Variants in ZNF423 observed in about 807,000 individuals in gnomAD.
ZNF423 encodes the protein zinc finger protein 423, also known as Ebf-associated zinc finger protein.
A neutral mutation model predicts 95.8 loss-of-function variants in ZNF423; 12 were observed. That is an observed-to-expected ratio of 0.13 (90% CI 0.08 to 0.20). ZNF423 has a LOEUF of 0.20. Ranked by LOEUF, ZNF423 falls within the 10% of genes least tolerant of loss-of-function variation. The pLI is 1.00. For missense variants in ZNF423, 1,316 were observed against 1,737.1 expected (o/e 0.76, Z 4.31); for synonymous variants, 749 against 711.9 (o/e 1.05, Z -0.83).
chr16:49,804,770 C>A (rs577241505), intron 1 of ZNF423, among the ~76,000 whole-genome samples: 16 of 152,248 alleles, frequency 1.1e-4, no homozygotes, highest in African/African-American at 3.1e-4. Context: ...GGTAACACAC[C>A]AACCCTGTGC....
intron 1 of ZNF423, among the ~76,000 whole-genome samples, chr16:49,826,159 C>T (rs1038818844): frequency 3.9e-5 from 6 of 152,144 alleles, no homozygotes; most frequent in East Asian, 1.9e-4. Flanking sequence ...CTTCAGTGAG[C>T]GGAGATTGTA....
chr16:49,737,276 T>C (rs2143454767), intron 2 of ZNF423, among the ~76,000 whole-genome samples: 1 of 149,864 alleles, frequency 6.7e-6, no homozygotes, highest in East Asian at 2.0e-4. Context: ...CCTGACTCTT[T>C]TTTTTTTTTC....
chr16:49,581,930 C>T (rs773922011), intron 5 of ZNF423, among the ~76,000 whole-genome samples: 1 of 152,172 alleles, frequency 6.6e-6, no homozygotes, highest in Non-Finnish European at 1.5e-5. Context: ...TGCAACATTT[C>T]CCAAGCAATA....
intron 3 of ZNF423, among the ~76,000 whole-genome samples, chr16:49,717,961 A>C (rs985823687): frequency 6.6e-6 from 1 of 152,168 alleles, no homozygotes; most frequent in Non-Finnish European, 1.5e-5. Flanking sequence ...CCACAGAGGG[A>C]GGGGACCAAC....
intron 5 of ZNF423, among the ~76,000 whole-genome samples, chr16:49,606,071 A>G (rs1971527115): frequency 6.6e-6 from 1 of 152,228 alleles, no homozygotes; most frequent in Non-Finnish European, 1.5e-5. Flanking sequence ...AGCCAGCGCC[A>G]TTGTCATAGC....
At position 49,623,909 on chromosome 16, in the gene ZNF423, G is replaced by C. The variant is rs983667222; in HGVS notation, c.3601+2261C>G. 5.8e-4 allele frequency among the ~76,000 whole-genome samples: 88 copies of C among 152,202 alleles called. 2 individuals carry two copies. The highest frequency in any genetic ancestry group is 2.0e-4 in the Admixed American group (3 of 15,284). On this transcript the variant is annotated intron_variant, in intron 5 of 7. Transcript: ENST00000563137. Reference sequence around the variant, plus strand: ...GGACCAGGGGACCCATACCTGCCCTGAGAGCACCTTCACTAAAGAAGGGCC... The same window carrying C: ...GGACCAGGGGACCCATACCTGCCCTCAGAGCACCTTCACTAAAGAAGGGCC...
intron 1 of ZNF423, among the ~76,000 whole-genome samples, chr16:49,820,912 G>T (rs2144020982): frequency 6.6e-6 from 1 of 152,298 alleles, no homozygotes; most frequent in Non-Finnish European, 1.5e-5. Context: ...GGTTCCATAT[G>T]TCCACAAAAT....
chr16:49,789,146 A>C (rs1297896117), intron 2 of ZNF423, among the ~76,000 whole-genome samples: 1 of 152,112 alleles, frequency 6.6e-6, no homozygotes, highest in East Asian at 1.9e-4. Flanking sequence ...GTCCTATTAA[A>C]GTGGCTTTTA....
intron 5 of ZNF423, among the ~76,000 whole-genome samples, chr16:49,623,091 C>T (rs577747840): frequency 6.6e-6 from 1 of 152,226 alleles, no homozygotes; most frequent in Non-Finnish European, 1.5e-5. Flanking sequence ...GACTGCCCAG[C>T]CACCGGAGGT....
At chr16:49,705,075 T>C (rs1050793199) in intron 3 of ZNF423, among the ~76,000 whole-genome samples, 4 of 152,228 alleles carry the variant, frequency 2.6e-5, no homozygotes, top group Non-Finnish European at 4.4e-5. Flanking sequence ...CACGGTGGGC[T>C]GTCCTGTCTT....
intron 5 of ZNF423, among the ~76,000 whole-genome samples, chr16:49,563,657 C>T (rs960914998): frequency 9.2e-5 from 14 of 152,234 alleles, no homozygotes; most frequent in Non-Finnish European, 1.9e-4. Flanking sequence ...CCCAGAGCCA[C>T]GTCTTTGGCC....
At chr16:49,602,851 C>T (rs1971421334) in intron 5 of ZNF423, among the ~76,000 whole-genome samples, 1 of 152,172 alleles carries the variant, frequency 6.6e-6, no homozygotes, top group Non-Finnish European at 1.5e-5. Flanking sequence ...GGTGGCCCCG[C>T]GGCTGCCAAA....
intron 7 of ZNF423, among the ~76,000 whole-genome samples, chr16:49,511,324 AC>A (rs1274061143): frequency 9.9e-5 from 15 of 152,218 alleles, no homozygotes; most frequent in African/African-American, 3.6e-4. Context: ...CCACTTCGAG[AC>A]CCTGCACCCA....
intron 3 of ZNF423, among the ~76,000 whole-genome samples, chr16:49,689,267 C>T (rs1020514600): frequency 1.1e-5 from 1 of 87,026 alleles, no homozygotes; most frequent in Non-Finnish European, 2.3e-5. Context: ...CATGGCAAGA[C>T]CCCATCTCTA....
chr16:49,626,118 T>G (rs995644434), intron 5 of ZNF423, 52 bp downstream of exon 5: 1 of 1,589,442 alleles, frequency 6.3e-7, no homozygotes, highest in Non-Finnish European at 8.6e-7. Flanking sequence ...AACCGCAAAT[T>G]TAAAACCCCA....
At chr16:49,849,504 G>T (rs576725832) in intron 1 of ZNF423, among the ~76,000 whole-genome samples, 11 of 152,210 alleles carry the variant, frequency 7.2e-5, no homozygotes, top group African/African-American at 2.4e-4. Flanking sequence ...TATCTTGGCT[G>T]CTTTAGTCAC....
chr16:49,564,960 A>G (rs1262879249), intron 5 of ZNF423, among the ~76,000 whole-genome samples: 4 of 152,296 alleles, frequency 2.6e-5, no homozygotes, highest in African/African-American at 7.2e-5. Flanking sequence ...CTCCTGATTA[A>G]CAGCCGGCCA....
intron 5 of ZNF423, among the ~76,000 whole-genome samples, chr16:49,570,518 G>A (rs1362631): frequency 0.24 from 36,998 of 152,014 alleles, 4,611 homozygotes; most frequent in Middle Eastern, 0.36. Context: ...TTTTTAGCTC[G>A]TAGGGAGTCA....
intron 2 of ZNF423, among the ~76,000 whole-genome samples, chr16:49,757,238 T>A (rs2033743977): frequency 6.6e-6 from 1 of 152,236 alleles, no homozygotes; most frequent in Non-Finnish European, 1.5e-5. Flanking sequence ...TTTTTTCCTG[T>A]TTCCATGTGC....
Sources: allele counts gnomAD v4.1 joint callset (sites outside exome capture counted in the v4.1 genomes callset), GRCh38; gene constraint gnomAD v4.1.1; transcripts MANE v1.5; gene names NCBI Gene and HGNC (gene_info 2026-07-23, HGNC 2026-07-21).